ANO10: variants seen among roughly 807,000 people sequenced by gnomAD.
ANO10 encodes anoctamin-10.
In ANO10, 77 loss-of-function variants were observed where a neutral mutation model predicts 74.7. The observed-to-expected ratio is 1.03, with a 90% CI of 0.86 to 1.25. ANO10 has a LOEUF of 1.25. ANO10 is among the 50% of genes most tolerant of loss of function. The probability of loss-of-function intolerance (pLI) is 0.00; values close to 1 mark genes in which losing one functional copy is unlikely to be tolerated. For synonymous variants in ANO10, 279 were observed against 284.9 expected, an observed-to-expected ratio of 0.98 and a Z score of 0.21; for missense variants, 721 against 778.1, an observed-to-expected ratio of 0.93 and a Z score of 0.87.
intron 2 of ANO10, among the ~76,000 whole-genome samples, chr3:43,601,943 C>G (rs2082353153): frequency 1.3e-5 from 2 of 152,210 alleles, no homozygotes; most frequent in Admixed American, 1.3e-4. Flanking sequence ...ACCTTAAGAT[C>G]CTTCCCCCAG....
chr3:43,462,614 A>G (rs903087848), intron 11 of ANO10, among the ~76,000 whole-genome samples: 1 of 152,130 alleles, frequency 6.6e-6, no homozygotes, highest in African/African-American at 2.4e-5. Flanking sequence ...AGAAAATCCC[A>G]TTTTCTGAGG....
chr3:43,666,364 TTAAC>T (rs1386226460), intron 1 of ANO10, among the ~76,000 whole-genome samples: 2 of 152,204 alleles, frequency 1.3e-5, no homozygotes, highest in Non-Finnish European at 2.9e-5. Flanking sequence ...AATTGAATTT[TTAAC>T]TAAACCTCGT....
rs112049819 is a variant in ANO10, at chr3:43,412,340, G to A, written c.1914+20271C>T. Among the ~76,000 whole-genome samples the A allele has an allele frequency of 7.0e-4, 107 of 152,222 alleles. 2 individuals carry two copies. The highest frequency in any genetic ancestry group is 2.1e-3 in the African/African-American group (86 of 41,540). On this transcript the variant is annotated intron_variant, in intron 12 of 12. Coordinates refer to ENST00000292246, the MANE Select transcript of ANO10 (RefSeq NM_018075.5). Reference sequence around the variant, plus strand: ...ATATCAGAGGCAGATCAGGAATGCCGATGCAGTCGGTTTTAGGAGAATGAG... The same window carrying A: ...ATATCAGAGGCAGATCAGGAATGCCAATGCAGTCGGTTTTAGGAGAATGAG...
At chr3:43,670,626 T>C (rs1291817734) in intron 1 of ANO10, among the ~76,000 whole-genome samples, 1 of 152,186 alleles carries the variant, frequency 6.6e-6, no homozygotes, top group Non-Finnish European at 1.5e-5. Context: ...ATTTATTTGA[T>C]AGCTGAGGGG....
chr3:43,595,380 G>C (rs1310533947), intron 4 of ANO10, among the ~76,000 whole-genome samples: 2 of 152,078 alleles, frequency 1.3e-5, no homozygotes, highest in African/African-American at 4.8e-5. Context: ...TAATGGCAAA[G>C]TGAATCCAGC....
intron 11 of ANO10, among the ~76,000 whole-genome samples, chr3:43,535,543 G>A (rs543275218): frequency 6.6e-6 from 1 of 152,166 alleles, no homozygotes; most frequent in South Asian, 2.1e-4. Context: ...CAAAGTGCTG[G>A]GATTACAGAC....
At chr3:43,455,486 G>A (rs1025880120) in intron 11 of ANO10, among the ~76,000 whole-genome samples, 1 of 151,960 alleles carries the variant, frequency 6.6e-6, no homozygotes, top group Non-Finnish European at 1.5e-5. Flanking sequence ...GCAGAGAGAG[G>A]GGGTGAGTCA....
chr3:43,615,666 T>G (rs1040446390), intron 1 of ANO10, among the ~76,000 whole-genome samples: 2 of 152,044 alleles, frequency 1.3e-5, no homozygotes, highest in African/African-American at 2.4e-5. Flanking sequence ...TTGTTTTTTT[T>G]TTCTTGAGAC....
At chr3:43,525,593 A>G (rs1286968045) in intron 11 of ANO10, among the ~76,000 whole-genome samples, 3 of 152,214 alleles carry the variant, frequency 2.0e-5, no homozygotes, top group Non-Finnish European at 4.4e-5. Flanking sequence ...TTCCCTTCTC[A>G]TCACCACAAA....
chr3:43,566,144 G>T (rs567342701), intron 7 of ANO10, among the ~76,000 whole-genome samples: 1 of 152,128 alleles, frequency 6.6e-6, no homozygotes, highest in African/African-American at 2.4e-5. Context: ...AAAAAATGGC[G>T]CACCACGAGA....
rs201149263 is a variant in ANO10, at chr3:43,551,373, G to GT, written c.1669-1526dup. Reference sequence around the variant, plus strand: ...AATATGTTTGTAACTAAACTTTCAGGTTTTTTTTAAAATCACCTATATTGA... The same window carrying GT: ...AATATGTTTGTAACTAAACTTTCAGGTTTTTTTTTAAAATCACCTATATTGA... On this transcript the variant is annotated intron_variant, in intron 10 of 12. Transcript: ENST00000292246. 4.7e-3 allele frequency: 1,642 copies of GT among 352,140 alleles called. 17 individuals are homozygous for GT. The highest frequency in any genetic ancestry group is 0.028 in the African/African-American group (1,277 of 46,036). 21.8% of individuals were successfully genotyped at this position (352,140 alleles called of 1,614,324 possible). A position where few individuals can be genotyped will look rare whatever the true frequency, so the allele number is the denominator to read the frequency against.
chr3:43,580,572 C>T lies in ANO10; in HGVS notation c.473-100G>A, dbSNP rs980006503. On this transcript the variant is annotated intron_variant, in intron 4 of 12. Transcript: ENST00000292246. ...AAGGACACTCCACAGAGGAGTACAA[C>T]GCAAAGGTCAATGTCATACTGCCTA... is the stretch of plus-strand genomic sequence containing the variant. The T allele has an allele frequency of 3.6e-5, 53 of 1,456,888 alleles. No homozygotes were observed. The African/African-American group carries it at 6.4e-4, about 18-fold the overall frequency. 90.2% of individuals were successfully genotyped at this position (1,456,888 alleles called of 1,614,324 possible).
At chr3:43,675,966 A>C (rs896435947) in intron 1 of ANO10, among the ~76,000 whole-genome samples, 1 of 152,242 alleles carries the variant, frequency 6.6e-6, no homozygotes, top group Non-Finnish European at 1.5e-5. Context: ...AAACCTGTAC[A>C]TAAATGTTTT....
At chr3:43,643,400 T>C (rs2083691010) in intron 1 of ANO10, among the ~76,000 whole-genome samples, 1 of 151,896 alleles carries the variant, frequency 6.6e-6, no homozygotes, top group Non-Finnish European at 1.5e-5. Context: ...ATATGTAATT[T>C]TGCTCAATTT....
chr3:43,561,197 A>C, intron 9 of ANO10, 23 bp downstream of exon 9: 1 of 1,612,276 alleles, frequency 6.2e-7, no homozygotes, highest in African/African-American at 1.3e-5. Context: ...GTAAATGTTT[A>C]ATTCAGCAAT....
chr3:43,567,640 T>A (rs1360768463), intron 7 of ANO10, among the ~76,000 whole-genome samples: 4 of 149,316 alleles, frequency 2.7e-5, no homozygotes, highest in Non-Finnish European at 6.0e-5. Context: ...TGCTGAGAGA[T>A]TTTGTCACCA....
chr3:43,504,654 T>A (rs113426635), intron 11 of ANO10, among the ~76,000 whole-genome samples: 12,914 of 152,092 alleles, frequency 0.085, 827 homozygotes, highest in African/African-American at 0.17. Context: ...TTATTTATTT[T>A]TTTTTTGAGA....
intron 1 of ANO10, among the ~76,000 whole-genome samples, chr3:43,631,254 G>A (rs539552824): frequency 8.8e-4 from 134 of 152,256 alleles, no homozygotes; most frequent in Non-Finnish European, 1.7e-3. Context: ...AATTTGTAGT[G>A]TGCACCAGCC....
intron 11 of ANO10, among the ~76,000 whole-genome samples, chr3:43,507,981 C>T (rs2077360388): frequency 6.6e-6 from 1 of 151,926 alleles, no homozygotes; most frequent in African/African-American, 2.4e-5. Context: ...TATTAAAGAA[C>T]ATTAAGAACA....
Sources: gnomAD v4.1 joint callset for allele counts (sites outside exome capture counted in the v4.1 genomes callset) on GRCh38, gnomAD v4.1.1 for gene constraint, MANE v1.5 for transcripts, NCBI Gene and HGNC (gene_info 2026-07-23, HGNC 2026-07-21) for gene names.